The following STAB1 variants were observed in gnomAD, a reference collection of about 807,000 sequenced individuals.
The protein encoded by STAB1 is stabilin-1.
STAB1 carries 250 observed loss-of-function variants against 332.4 expected under a neutral mutation model. The ratio of observed to expected loss-of-function variants is 0.75; its 90% CI spans 0.68 to 0.84. The LOEUF is 0.84. STAB1 is among the 40% of genes least tolerant of loss of function. The pLI is 0.00. For missense variants in STAB1, 3,249 were observed against 3,489.7 expected, an observed-to-expected ratio of 0.93 and a Z score of 1.74; for synonymous variants, 1,475 against 1,390.4, an observed-to-expected ratio of 1.06 and a Z score of -1.35.
chr3:52,503,193 G>C, intron 7 of STAB1, 84 bp downstream of exon 7: 1 of 1,505,834 alleles, frequency 6.6e-7, no homozygotes, highest in Non-Finnish European at 9.0e-7. Flanking sequence ...CAAGTGCAAT[G>C]TAATTCACAA....
At chr3:52,514,021 G>A (rs1291629015) in intron 32 of STAB1, 40 bp downstream of exon 32, 2 of 1,592,052 alleles carry the variant, frequency 1.3e-6, no homozygotes, top group Admixed American at 1.7e-5. Flanking sequence ...CTGCTCGGGG[G>A]ACACTGTGCC....
In STAB1 at chr3:52,516,449, A is replaced by G. The variant is rs562832012; in HGVS notation, c.4238A>G (p.Gln1413Arg). The change falls in exon 39 of 69, where the codon CAG becomes CGG. Residue 1413 changes from glutamine (Q) to arginine (R), a missense_variant and splice_region_variant. Transcript: ENST00000321725. ...NVGWQGLRCDQKITSPQCPRK... is the reference protein window; with the variant it reads ...NVGWQGLRCDRKITSPQCPRK... ...GGCTGGCAGGGCCTCCGCTGTGACC[A>G]GAGTGAGTGGGTCCCAATGGGGAGG... 1.9e-6 allele frequency: 3 copies of G among 1,613,348 alleles called. No homozygotes were observed. The African/African-American group carries it at 4.0e-5, about 21-fold the overall frequency.
chr3:52,516,603 C>A lies in STAB1; in HGVS notation c.4286+16C>A. On this transcript the variant is annotated intron_variant, in intron 40 of 68. Transcript: ENST00000321725. ...CCAATGCCAAGTGAGTGGGCCCAGCCTGGGGCGGGTGGGTGAGTGGCGGGG... is the reference window on the plus strand; with the variant it reads ...CCAATGCCAAGTGAGTGGGCCCAGCATGGGGCGGGTGGGTGAGTGGCGGGG... 1 of 1,612,776 alleles carries A rather than the reference C, an allele frequency of 6.2e-7. No homozygotes were observed. The highest frequency in any genetic ancestry group is 1.7e-5 in the Admixed American group (1 of 60,006).
At chr3:52,510,657 T>C in intron 25 of STAB1, 150 bp downstream of exon 25, 1 of 1,080,260 alleles carries the variant, frequency 9.3e-7, no homozygotes, top group Non-Finnish European at 1.3e-6. Context: ...AGTAGTAGCA[T>C]CTGGGATTCG....
chr3:52,510,071 C>G lies in STAB1; in HGVS notation c.2534+15C>G, dbSNP rs192632265. 7 of 1,612,620 alleles carry G rather than the reference C, an allele frequency of 4.3e-6. No homozygotes were observed. The Admixed American group carries it at 1.2e-4, about 27-fold the overall frequency. ...GGTGTTGCCAGGTGAGGACCCACAC[C>G]TTCTGTCTGCCCCACCCGTGACCTT... On this transcript the variant is annotated intron_variant, in intron 23 of 68. Coordinates refer to ENST00000321725, the MANE Select transcript of STAB1 (RefSeq NM_015136.3).
chr3:52,512,382 G>A lies in STAB1; in HGVS notation c.2925G>A (p.Thr975=), dbSNP rs142540281. The A allele has an allele frequency of 2.5e-5, 41 of 1,611,322 alleles. No homozygotes were observed. The highest frequency in any genetic ancestry group is 2.1e-4 in the African/African-American group (16 of 74,836). Residue 975 remains threonine (T), a synonymous_variant, in exon 27 of 69, where the codon ACG becomes ACA. Coordinates refer to ENST00000321725, the MANE Select transcript of STAB1 (RefSeq NM_015136.3). ...TGGGGGGAGGTCAGCGGGTCTGCAC[G>A]TGCCCCCCTGGCTTTGGGGGTGATG... The part of the protein sequence containing the change: ...RAVGGGQRVC[T]CPPGFGGDGF...
chr3:52,503,620 CT>C lies in STAB1; in HGVS notation c.891+82del. ...ATGGGACCCTGGGCAAGTCACAGGC[CT>C]TCTGGTAGCCTCAGTTTCCCCACTT... On this transcript the variant is annotated intron_variant, in intron 8 of 68. Coordinates refer to ENST00000321725, the MANE Select transcript of STAB1 (RefSeq NM_015136.3). 2.5e-6 allele frequency: 4 copies of C among 1,568,954 alleles called. No homozygotes were observed. The South Asian group carries it at 4.8e-5, about 19-fold the overall frequency.
Position 52,522,430 on chromosome 3 carries a change from C to A in STAB1, c.6566C>A (p.Pro2189Gln). 6.2e-7 allele frequency: 1 copy of A among 1,613,040 alleles called. No individual in the cohort carries two copies. Among genetic ancestry groups the A allele is most frequent in the South Asian group, 1.1e-5 (1 of 91,084 alleles). Residue 2189 changes from proline (P) to glutamine (Q), a missense_variant, in exon 60 of 69, where the codon CCG becomes CAG. Coordinates refer to ENST00000321725, the MANE Select transcript of STAB1 (RefSeq NM_015136.3). ...PPVDRCLGQP[P>Q]PCHSDAMCTD... ...GTGGACCGCTGCTTGGGCCAGCCACCGCCCTGCCACTCAGATGCCATGTGC... is the reference window on the plus strand; with the variant it reads ...GTGGACCGCTGCTTGGGCCAGCCACAGCCCTGCCACTCAGATGCCATGTGC...
At chr3:52,498,154 G>A (rs2153232495) in intron 1 of STAB1, among the ~76,000 whole-genome samples, 1 of 152,312 alleles carries the variant, frequency 6.6e-6, no homozygotes, top group South Asian at 2.1e-4. Context: ...TCCCAGCTTG[G>A]GAGAATTTCA....
chr3:52,514,321 C>G (rs1292870827), intron 33 of STAB1, 44 bp from the exon 34 acceptor site: 3 of 1,563,182 alleles, frequency 1.9e-6, no homozygotes, highest in Admixed American at 3.6e-5. Flanking sequence ...GTCCAGGGCA[C>G]TTGGTTATCC....
Position 52,520,255 on chromosome 3 carries a change from AC to A in STAB1, c.5469del (p.Ile1824SerfsTer60). On this transcript the variant is annotated frameshift_variant, in exon 52 of 69. Transcript: ENST00000321725. LOFTEE classifies it high-confidence loss of function. ...NLGPLRTMHG[T>X]PISFSCSRTR... ...GGGCCCACTTCGAACCATGCATGGG[AC>A]CCCCATCTCTTTCTCCTGCAGCCGA... 6.2e-7 allele frequency: 1 copy of A among 1,612,962 alleles called. No individual in the cohort carries two copies. Among genetic ancestry groups the A allele is most frequent in the Non-Finnish European group, 8.5e-7 (1 of 1,179,982 alleles).
intron 37 of STAB1, 149 bp from the exon 38 acceptor site, chr3:52,515,894 C>G (rs1226831323): frequency 1.1e-6 from 1 of 913,190 alleles, no homozygotes; most frequent in African/African-American, 1.7e-5. Context: ...ATCTCTGTGT[C>G]TCTTTCAGCT....
intron 33 of STAB1, 21 bp from the exon 34 acceptor site, chr3:52,514,344 G>T (rs1709515526): frequency 3.9e-6 from 6 of 1,548,060 alleles, no homozygotes; most frequent in African/African-American, 1.4e-5. Context: ...CAGTCCCCTG[G>T]GTTCTCTCCT....
intron 52 of STAB1, 43 bp from the exon 53 acceptor site, chr3:52,520,356 AG>A (rs778766942): frequency 6.2e-7 from 1 of 1,612,772 alleles, no homozygotes; most frequent in African/African-American, 1.3e-5. Flanking sequence ...TAGCAGCTGG[AG>A]TGCACCTGCG....
chr3:52,516,082 G>C lies in STAB1; in HGVS notation c.3988G>C (p.Glu1330Gln), dbSNP rs150304203. The C allele has an allele frequency of 5.6e-5, 90 of 1,611,646 alleles. No homozygotes were observed. The highest frequency in any genetic ancestry group is 7.3e-5 in the Non-Finnish European group (86 of 1,179,312). ...CCPGFFGTLCEPCPGGLGGVC... is the reference protein window; with the variant it reads ...CCPGFFGTLCQPCPGGLGGVC... ...CCCTGGTTTCTTTGGCACGCTGTGT[G>C]AGCCATGCCCAGGGGGTCTAGGGGG... Residue 1330 changes from glutamate (E) to glutamine (Q), a missense_variant, in exon 38 of 69, where the codon GAG becomes CAG. By Grantham distance (29) the Glu-to-Gln change is conservative. Coordinates refer to ENST00000321725, the MANE Select transcript of STAB1 (RefSeq NM_015136.3).
chr3:52,503,950 C>T (rs764238010), intron 9 of STAB1, 48 bp downstream of exon 9: 135 of 1,612,348 alleles, frequency 8.4e-5, no homozygotes, highest in Non-Finnish European at 1.1e-4. Flanking sequence ...GGCAAGCGTG[C>T]CCTCTGCGGG....
At position 52,514,614 on chromosome 3, in the gene STAB1, C is replaced by T. The variant is rs1272032027; in HGVS notation, c.3679-87C>T. ...CCTCTAACCTCTGCTCCAGGGAGCC[C>T]CCCGGCCCTGGAGTACTGCCTGACC... On this transcript the variant is annotated intron_variant, in intron 34 of 68. Transcript: ENST00000321725. The T allele has an allele frequency of 3.8e-6, 6 of 1,590,380 alleles. No homozygotes were observed. In the African/African-American group the frequency reaches 4.0e-5, roughly 11 times the overall value.
At position 52,522,032 on chromosome 3, in the gene STAB1, C is replaced by A. The variant is rs932741673; in HGVS notation, c.6272-5C>A. The stretch of plus-strand genomic sequence containing the variant: ...TAGGTCCAACCACTCCCTCCCTGCC[C>A]TCAGTGGCAGACCTGTGCCAGGACG... On this transcript the variant is annotated splice_region_variant and splice_polypyrimidine_tract_variant and intron_variant, in intron 58 of 68. Transcript: ENST00000321725. 36 of 1,613,010 alleles carry A rather than the reference C, an allele frequency of 2.2e-5. No homozygotes were observed. Among genetic ancestry groups the A allele is most frequent in the Non-Finnish European group, 2.7e-5 (32 of 1,179,760 alleles).
rs766240541 is a variant in STAB1, at chr3:52,513,910, C to T, written c.3376C>T (p.Pro1126Ser). The T allele has an allele frequency of 6.2e-7, 1 of 1,604,910 alleles. No individual in the cohort carries two copies. The highest frequency in any genetic ancestry group is 1.1e-5 in the South Asian group (1 of 90,446). The change falls in exon 32 of 69, where the codon CCC (proline) becomes TCC (serine). Residue 1126 changes from proline to serine, a missense_variant. By Grantham distance (74) the Pro-to-Ser change is moderately conservative. Coordinates refer to ENST00000321725, the MANE Select transcript of STAB1 (RefSeq NM_015136.3). ...QVLLPPRGDVPGGQGLLQQLD... is the reference protein window; with the variant it reads ...QVLLPPRGDVSGGQGLLQQLD... ...CTTACTGCCCCCCCGAGGGGATGTGCCCGGTGGGCAGGGGTTGCTGCAGCA... is the reference window on the plus strand; with the variant it reads ...CTTACTGCCCCCCCGAGGGGATGTGTCCGGTGGGCAGGGGTTGCTGCAGCA...
Sources: allele counts gnomAD v4.1 joint callset (sites outside exome capture counted in the v4.1 genomes callset), GRCh38; gene constraint gnomAD v4.1.1; transcripts MANE v1.5; gene names NCBI Gene and HGNC (gene_info 2026-07-23, HGNC 2026-07-21).